The following RNF20 variants were observed in gnomAD, a reference collection of about 807,000 sequenced individuals.
RNF20 encodes the protein E3 ubiquitin-protein ligase BRE1A.
A neutral mutation model predicts 126.2 loss-of-function variants in RNF20; 84 were observed. That is an observed-to-expected ratio of 0.67 (90% CI 0.56 to 0.80). The LOEUF (loss-of-function observed/expected upper bound fraction) is 0.80. Among genes scored for constraint, RNF20 ranks in the 30% least tolerant of loss-of-function variants. The pLI, the probability that RNF20 is intolerant of heterozygous loss-of-function variation, is 0.00. For synonymous variants in RNF20, 400 were observed against 414.3 expected (o/e 0.97, Z 0.42); for missense variants, 869 against 1,188.2 (o/e 0.73, Z 3.95).
chr9:101,552,849 G>A (rs1193525654), intron 13 of RNF20, 96 bp downstream of exon 13: 40 of 1,192,532 alleles, frequency 3.4e-5, no homozygotes, highest in Non-Finnish European at 3.5e-5. Flanking sequence ...TTGTCTGATC[G>A]TTTTAATGTT....
rs775644729 is a variant in RNF20 at position 101,553,981 on chromosome 9, G to A, written c.1902-7G>A. Reference sequence around the variant, plus strand: ...TTGTTCCCCTCCCTCTACTACGCCTGTCATAGGAAGGCACAGGAGAGCCAA... The same window carrying A: ...TTGTTCCCCTCCCTCTACTACGCCTATCATAGGAAGGCACAGGAGAGCCAA... On this transcript the variant is annotated splice_region_variant and splice_polypyrimidine_tract_variant and intron_variant, in intron 13 of 19. Coordinates refer to ENST00000389120, the MANE Select transcript of RNF20 (RefSeq NM_019592.7). The A allele has an allele frequency of 6.5e-7, 1 of 1,549,130 alleles. No individual in the cohort carries two copies. The highest frequency in any genetic ancestry group is 1.1e-5 in the South Asian group (1 of 89,516).
intron 16 of RNF20, among the ~76,000 whole-genome samples, chr9:101,558,049 A>G (rs1827565422): frequency 6.8e-6 from 1 of 147,374 alleles, no homozygotes; most frequent in Admixed American, 6.8e-5. Context: ...TTTGGGGAAC[A>G]TGTGGTGTTT....
rs1163129581 is a variant in RNF20, at chr9:101,562,517, G to T, written c.*95G>T. ...TTCTCTCCTTGACTGTCACCTGTAG[G>T]ACAGTTTATCAGTCAACTACCTTTC... On this transcript the variant is annotated 3_prime_UTR_variant, in exon 20 of 20. Coordinates refer to ENST00000389120, the MANE Select transcript of RNF20 (RefSeq NM_019592.7). 8.2e-7 allele frequency: 1 copy of T among 1,226,368 alleles called. No individual in the cohort carries two copies. The highest frequency in any genetic ancestry group is 1.1e-6 in the Non-Finnish European group (1 of 891,176). 76.0% of individuals were successfully genotyped at this position (1,226,368 alleles called of 1,614,324 possible).
Position 101,554,683 on chromosome 9 carries a change from TCC to T in RNF20, c.2020-10_2020-9del. On this transcript the variant is annotated splice_polypyrimidine_tract_variant and intron_variant, in intron 14 of 19. Coordinates refer to ENST00000389120, the MANE Select transcript of RNF20 (RefSeq NM_019592.7). The stretch of plus-strand genomic sequence containing the variant: ...ACTTTTTATTTTTGTGCAATTCCTT[TCC>T]TCTTATAGTTGGAAGATCTAAGGCA... 1 of 1,609,180 alleles carries T rather than the reference TCC, an allele frequency of 6.2e-7. No homozygotes were observed. Among genetic ancestry groups the T allele is most frequent in the Non-Finnish European group, 8.5e-7 (1 of 1,177,128 alleles).
At chr9:101,546,787 A>G (rs751202191) in intron 6 of RNF20, 33 bp from the exon 7 acceptor site, 14 of 1,610,944 alleles carry the variant, frequency 8.7e-6, no homozygotes, top group African/African-American at 6.7e-5. Context: ...TTTTTTTGCT[A>G]TATGTTTCTG....
chr9:101,534,789 G>C (rs1350665413), intron 1 of RNF20, among the ~76,000 whole-genome samples: 1 of 152,096 alleles, frequency 6.6e-6, no homozygotes, highest in Non-Finnish European at 1.5e-5. Context: ...TACAGGAAGA[G>C]AGATTCCAGA....
intron 18 of RNF20, chr9:101,561,454 T>C (rs1827627498): frequency 2.0e-6 from 1 of 501,256 alleles, no homozygotes; most frequent in East Asian, 3.4e-5. Flanking sequence ...GTTAAATTAA[T>C]GAATTAGTAA....
At chr9:101,553,524 G>A (rs1827482280) in intron 13 of RNF20, among the ~76,000 whole-genome samples, 1 of 152,120 alleles carries the variant, frequency 6.6e-6, no homozygotes, top group Non-Finnish European at 1.5e-5. Flanking sequence ...AGGATTAACA[G>A]TATATCTCAG....
intron 16 of RNF20, among the ~76,000 whole-genome samples, chr9:101,559,933 G>A (rs2118741873): frequency 1.3e-5 from 2 of 152,216 alleles, no homozygotes; most frequent in South Asian, 4.1e-4. Flanking sequence ...GACTTCCAGT[G>A]CCATGTTGAA....
intron 1 of RNF20, among the ~76,000 whole-genome samples, chr9:101,534,651 A>G (rs1245751860): frequency 6.6e-6 from 1 of 152,190 alleles, no homozygotes; most frequent in Non-Finnish European, 1.5e-5. Context: ...CTTAGAGATG[A>G]TAACTGACTT....
rs565737862 is a variant in RNF20 at position 101,543,316 on chromosome 9, C to T, written c.629-1451C>T. ...CCGTGCCAGGGCGGCACTGTCTAACCCTTCCAGGGCGGCACTGTCTAACCC... is the reference window on the plus strand; with the variant it reads ...CCGTGCCAGGGCGGCACTGTCTAACTCTTCCAGGGCGGCACTGTCTAACCC... On this transcript the variant is annotated intron_variant, in intron 5 of 19. Transcript: ENST00000389120. 6.1e-4 allele frequency among the ~76,000 whole-genome samples: 91 copies of T among 149,858 alleles called. 1 individual carries two copies. The highest frequency in any genetic ancestry group is 1.1e-3 in the Admixed American group (17 of 15,074).
chr9:101,561,880 GTGTCTAA>G, intron 18 of RNF20, 23 bp from the exon 19 acceptor site: 1 of 1,417,154 alleles, frequency 7.1e-7, no homozygotes, highest in Non-Finnish European at 1.0e-6. Flanking sequence ...TTGGGTAAGT[GTGTCTAA>G]TGGGTATGCT....
Position 101,552,680 on chromosome 9 carries a change from A to AAAG in RNF20, c.1830_1832dup (p.Glu611dup), listed in dbSNP as rs1313071326. 6.4e-7 allele frequency: 1 copy of AAAG among 1,551,082 alleles called. No individual in the cohort carries two copies. The highest frequency in any genetic ancestry group is 8.9e-7 in the Non-Finnish European group (1 of 1,122,962). On this transcript the variant is annotated inframe_insertion, in exon 13 of 20. Coordinates refer to ENST00000389120, the MANE Select transcript of RNF20 (RefSeq NM_019592.7). ...AAAAGAGAGAGATTCTGCTAAGGAT[A>AAAG]AAGAGAAAGGCAAACATGATGATGG...
chr9:101,554,175 C>A lies in RNF20; in HGVS notation c.2019+70C>A. On this transcript the variant is annotated intron_variant, in intron 14 of 19. Transcript: ENST00000389120. Reference sequence around the variant, plus strand: ...TTTGTGGGATTTTCCTTTATACTTGCCAACGATATAATTTCTTTCTTTATC... The same window carrying A: ...TTTGTGGGATTTTCCTTTATACTTGACAACGATATAATTTCTTTCTTTATC... 1.8e-5 allele frequency: 15 copies of A among 840,762 alleles called. 1 individual carries two copies. In the South Asian group the frequency reaches 2.2e-4, roughly 12 times the overall value. 52.1% of individuals were successfully genotyped at this position (840,762 alleles called of 1,614,324 possible). A position where few individuals can be genotyped will look rare whatever the true frequency, so the allele number is the denominator to read the frequency against.
At position 101,552,634 on chromosome 9, in the gene RNF20, G is replaced by A; in HGVS notation, c.1782G>A (p.Lys594=). ...AGGAGAAGGAGAGAGAACGAGAGAA[G>A]CAGAAGCTAAAAGAGTCAGAAAAAG... is the stretch of plus-strand genomic sequence containing the variant. ...REKEKERERE[K]QKLKESEKER... is the part of the protein sequence containing the mutation. Residue 594 remains lysine, a synonymous_variant, in exon 13 of 20, where the codon AAG becomes AAA. Transcript: ENST00000389120. The A allele has an allele frequency of 6.5e-7, 1 of 1,527,700 alleles. No individual in the cohort carries two copies. Among genetic ancestry groups the A allele is most frequent in the Non-Finnish European group, 9.1e-7 (1 of 1,101,294 alleles). 94.6% of individuals were successfully genotyped at this position (1,527,700 alleles called of 1,614,324 possible). A position where few individuals can be genotyped will look rare whatever the true frequency, so the allele number is the denominator to read the frequency against.
Position 101,540,884 on chromosome 9 carries a change from G to A in RNF20, c.537G>A (p.Glu179=). 1.2e-6 allele frequency: 2 copies of A among 1,613,896 alleles called. No homozygotes were observed. The highest frequency in any genetic ancestry group is 1.7e-6 in the Non-Finnish European group (2 of 1,179,934). The change falls in exon 5 of 20, where the codon GAG becomes GAA. Residue 179 remains glutamate, a synonymous_variant. Transcript: ENST00000389120. ...AGTCTCAGCTGCAGGAACGTGTGGAGTCTTCCCGCCGAGCCGTGTCCCAGA... is the reference window on the plus strand; with the variant it reads ...AGTCTCAGCTGCAGGAACGTGTGGAATCTTCCCGCCGAGCCGTGTCCCAGA... ...EMESQLQERV[E]SSRRAVSQIV... is the part of the protein sequence containing the mutation.
intron 4 of RNF20, 63 bp from the exon 5 acceptor site, chr9:101,540,730 T>A (rs1312428978): frequency 6.9e-6 from 11 of 1,588,710 alleles, no homozygotes; most frequent in Non-Finnish European, 2.6e-6. Flanking sequence ...GGAAAAAAAA[T>A]GGATTTTGTT....
intron 18 of RNF20, 181 bp downstream of exon 18, chr9:101,561,411 G>A: frequency 1.7e-6 from 1 of 598,904 alleles, no homozygotes. Context: ...CTTTTATGGT[G>A]CCTTGCACCT....
intron 7 of RNF20, 43 bp from the exon 8 acceptor site, chr9:101,547,094 A>G (rs1232406796): frequency 1.2e-6 from 2 of 1,608,038 alleles, no homozygotes; most frequent in South Asian, 1.1e-5. Flanking sequence ...ATAGACTGAA[A>G]TCTTAAGAGT....
Sources: allele counts gnomAD v4.1 joint callset (sites outside exome capture counted in the v4.1 genomes callset), GRCh38; gene constraint gnomAD v4.1.1; transcripts MANE v1.5; gene names NCBI Gene and HGNC (gene_info 2026-07-23, HGNC 2026-07-21).